Variants in ILDR1 observed in about 807,000 individuals in gnomAD.
ILDR1 encodes the protein immunoglobulin-like domain-containing receptor 1.
A neutral mutation model predicts 62.4 loss-of-function variants in ILDR1; 56 were observed. The observed-to-expected ratio is 0.90, with a 90% CI of 0.72 to 1.12. The LOEUF (loss-of-function observed/expected upper bound fraction) is 1.12. ILDR1 is among the 50% of genes most tolerant of loss of function. The pLI, the probability that ILDR1 is intolerant of heterozygous loss-of-function variation, is 0.00. For missense variants in ILDR1, 736 were observed against 710.6 expected (o/e 1.04, Z -0.41); for synonymous variants, 284 against 277.8 (o/e 1.02, Z -0.22).
At chr3:122,026,520 G>A (rs2071922504), upstream of ILDR1, among the ~76,000 whole-genome samples, 1 of 152,174 alleles carries the variant, frequency 6.6e-6, no homozygotes, top group African/African-American at 2.4e-5. Context: ...AGAATAAAAT[G>A]TTTTCAAGCA....
At chr3:122,059,350 G>A in the ILDR1 span, among the ~76,000 whole-genome samples, 2 of 152,062 alleles carry the variant, frequency 1.3e-5, no homozygotes, top group Non-Finnish European at 2.9e-5. Flanking sequence ...AGATACTAAG[G>A]AGGGGCTAGA....
At chr3:122,025,696 T>C (rs1170260187), upstream of ILDR1, among the ~76,000 whole-genome samples, 2 of 152,226 alleles carry the variant, frequency 1.3e-5, no homozygotes, top group Non-Finnish European at 2.9e-5. Context: ...TTTGTACATT[T>C]ATATGTGTAC....
chr3:122,014,910 G>A (rs1032702421), intron 1 of ILDR1, among the ~76,000 whole-genome samples: 12 of 152,208 alleles, frequency 7.9e-5, no homozygotes, highest in African/African-American at 1.2e-4. Flanking sequence ...ACCCAGGTTA[G>A]TGACTCATGT....
At chr3:122,004,905 G>A (rs1298766038) in intron 3 of ILDR1, among the ~76,000 whole-genome samples, 1 of 152,126 alleles carries the variant, frequency 6.6e-6, no homozygotes, top group Non-Finnish European at 1.5e-5. Context: ...GTTTCAGTAG[G>A]CCCTGAGAGC....
At chr3:122,010,547 T>C (rs1037194297) in intron 1 of ILDR1, among the ~76,000 whole-genome samples, 1 of 152,230 alleles carries the variant, frequency 6.6e-6, no homozygotes. Context: ...AAGCCTAACA[T>C]GGCTTTCTTA....
At chr3:122,014,145 C>G (rs974974249) in intron 1 of ILDR1, among the ~76,000 whole-genome samples, 4 of 152,186 alleles carry the variant, frequency 2.6e-5, no homozygotes, top group African/African-American at 9.7e-5. Context: ...AAGGGACATT[C>G]ACAAATTTAT....
chr3:122,012,457 A>G (rs528659827), intron 1 of ILDR1, among the ~76,000 whole-genome samples: 16 of 152,196 alleles, frequency 1.1e-4, no homozygotes, highest in South Asian at 8.3e-4. Flanking sequence ...CTGAGTTCAG[A>G]TTCTGTCTCC....
the ILDR1 span, chr3:122,055,473 C>T: frequency 1.2e-6 from 2 of 1,613,600 alleles, no homozygotes; most frequent in Non-Finnish European, 1.7e-6. Flanking sequence ...TATTAGGTCA[C>T]AGCAGAAGCA....
upstream of ILDR1, among the ~76,000 whole-genome samples, chr3:122,025,651 C>T (rs938245646): frequency 6.6e-6 from 1 of 152,154 alleles, no homozygotes; most frequent in Admixed American, 6.5e-5. Flanking sequence ...TTTCTGAATA[C>T]TATATATGTG....
the ILDR1 span, among the ~76,000 whole-genome samples, chr3:122,043,813 TG>T: frequency 1.4e-5 from 1 of 71,836 alleles, no homozygotes; most frequent in Non-Finnish European, 2.7e-5. Flanking sequence ...AAGGAGATTT[TG>T]GGCTGAGACA....
the ILDR1 span, among the ~76,000 whole-genome samples, chr3:122,045,887 G>T: frequency 6.6e-6 from 1 of 151,458 alleles, no homozygotes; most frequent in Non-Finnish European, 1.5e-5. Context: ...GCCAGTCTGT[G>T]TCTTTTAATT....
At chr3:122,046,082 C>T in the ILDR1 span, among the ~76,000 whole-genome samples, 1 of 149,716 alleles carries the variant, frequency 6.7e-6, no homozygotes, top group Non-Finnish European at 1.5e-5. Flanking sequence ...ATGTTTAGCA[C>T]TTCCTTCAGG....
At chr3:122,002,795 G>T (rs926543188) in intron 3 of ILDR1, among the ~76,000 whole-genome samples, 1 of 151,926 alleles carries the variant, frequency 6.6e-6, no homozygotes, top group Non-Finnish European at 1.5e-5. Flanking sequence ...AACAGGCCGC[G>T]GTGTGTATTG....
Position 121,988,135 on chromosome 3 carries a change from A to C in ILDR1, c.*232T>G. On this transcript the variant is annotated 3_prime_UTR_variant, in exon 8 of 8. Coordinates refer to ENST00000344209, the MANE Select transcript of ILDR1 (RefSeq NM_001199799.2). ...ACTATGTTTCCCAGGCTGATCTTGA[A>C]CTCCTAGTCTCAAGTGATTCTTAGC... 1 of 618,092 alleles carries C rather than the reference A, an allele frequency of 1.6e-6. No individual in the cohort carries two copies. The highest frequency in any genetic ancestry group is 3.3e-5 in the East Asian group (1 of 30,310). 38.3% of individuals were successfully genotyped at this position (618,092 alleles called of 1,614,324 possible).
rs568713946 is a variant in ILDR1 at position 121,988,395 on chromosome 3, G to C, written c.1613C>G (p.Ser538Cys). 32 of 1,613,508 alleles carry C rather than the reference G, an allele frequency of 2.0e-5. No individual in the cohort carries two copies. Among genetic ancestry groups the C allele is most frequent in the Admixed American group, 1.0e-4 (6 of 59,978 alleles). ...AATGACCACACTCCTTCCACTATGA[G>C]AGCTGTCTTTCTCCTGGGAAATAGA... is the stretch of plus-strand genomic sequence containing the variant. ...SVERRSEKDSSHSGRSVVI is the reference protein window; with the variant it reads ...SVERRSEKDSCHSGRSVVI Residue 538 changes from serine to cysteine, a missense_variant, in exon 8 of 8, where the codon TCT becomes TGT. By Grantham distance (112) the Ser-to-Cys change is moderately radical. Transcript: ENST00000344209.
chr3:122,021,857 G>C lies in ILDR1; in HGVS notation c.58+163C>G, dbSNP rs747037340. Among the ~76,000 whole-genome samples, 118 of 152,362 alleles carry C rather than the reference G, an allele frequency of 7.7e-4. 1 individual carries two copies. Among genetic ancestry groups the C allele is most frequent in the Middle Eastern group, 3.4e-3 (1 of 294 alleles). On this transcript the variant is annotated intron_variant, in intron 1 of 7. Transcript: ENST00000344209. ...GAAAAGCAACAGGTTCCCACAGGCA[G>C]AAACTCGATCCAGTCCCCGCACCTC...
the ILDR1 span, among the ~76,000 whole-genome samples, chr3:122,033,319 G>A: frequency 6.6e-6 from 1 of 150,714 alleles, no homozygotes; most frequent in South Asian, 2.1e-4. Context: ...GGAATCTTTT[G>A]TTTTTTTATT....
intron 1 of ILDR1, among the ~76,000 whole-genome samples, chr3:122,020,592 C>T (rs570295568): frequency 6.6e-6 from 1 of 152,292 alleles, no homozygotes; most frequent in South Asian, 2.1e-4. Flanking sequence ...GAGCAGAACT[C>T]TATTTTTTCT....
At chr3:122,013,010 G>A (rs1160327019) in intron 1 of ILDR1, among the ~76,000 whole-genome samples, 1 of 152,178 alleles carries the variant, frequency 6.6e-6, no homozygotes, top group African/African-American at 2.4e-5. Flanking sequence ...TCATGGGAAG[G>A]AGAGAAGGGG....
Sources: allele counts gnomAD v4.1 joint callset (sites outside exome capture counted in the v4.1 genomes callset), GRCh38; gene constraint gnomAD v4.1.1; transcripts MANE v1.5; gene names NCBI Gene and HGNC (gene_info 2026-07-23, HGNC 2026-07-21).